Variants in PAK5 observed in about 807,000 individuals in gnomAD.
The protein encoded by PAK5 is serine/threonine-protein kinase PAK 5.
In PAK5, 16 loss-of-function variants were observed where a neutral mutation model predicts 65.9. That is an observed-to-expected ratio of 0.24 (90% CI 0.16 to 0.37). PAK5 has a LOEUF of 0.37. Among genes scored for constraint, PAK5 ranks in the 10% least tolerant of loss-of-function variants. PAK5 has a pLI of 1.00. For missense variants in PAK5, 785 were observed against 903.9 expected, an observed-to-expected ratio of 0.87 and a Z score of 1.69; for synonymous variants, 371 against 354.9, an observed-to-expected ratio of 1.05 and a Z score of -0.51.
intron 1 of PAK5, among the ~76,000 whole-genome samples, chr20:9,759,343 T>A (rs1227504652): frequency 6.6e-6 from 1 of 152,180 alleles, no homozygotes; most frequent in Non-Finnish European, 1.5e-5. Context: ...TAGATAAGTG[T>A]TCCTCTGTTT....
chr20:9,771,329 C>G (rs529950257), intron 1 of PAK5, among the ~76,000 whole-genome samples: 17 of 152,258 alleles, frequency 1.1e-4, no homozygotes, highest in African/African-American at 4.1e-4. Flanking sequence ...TTGCCAACTT[C>G]ATGTCATTCA....
intron 3 of PAK5, among the ~76,000 whole-genome samples, chr20:9,623,633 T>C (rs936337136): frequency 6.6e-6 from 1 of 152,068 alleles, no homozygotes; most frequent in South Asian, 2.1e-4. Context: ...TAGACTAAGA[T>C]AGGTACAAAC....
At chr20:9,819,193 T>G (rs572602545) in intron 1 of PAK5, among the ~76,000 whole-genome samples, 1 of 152,332 alleles carries the variant, frequency 6.6e-6, no homozygotes, top group African/African-American at 2.4e-5. Context: ...ATCACCGATT[T>G]CCCTCCCATT....
intron 1 of PAK5, among the ~76,000 whole-genome samples, chr20:9,810,305 G>A (rs1281922630): frequency 6.6e-6 from 1 of 152,230 alleles, no homozygotes; most frequent in Non-Finnish European, 1.5e-5. Flanking sequence ...AGCCGTTGTG[G>A]CTCATGCCTG....
intron 3 of PAK5, among the ~76,000 whole-genome samples, chr20:9,588,122 C>A (rs913225939): frequency 4.6e-5 from 7 of 151,376 alleles, no homozygotes; most frequent in African/African-American, 1.2e-4. Flanking sequence ...GCACCATGCT[C>A]TTACTATAAG....
At chr20:9,656,997 C>G (rs1202123754) in intron 2 of PAK5, among the ~76,000 whole-genome samples, 2 of 152,064 alleles carry the variant, frequency 1.3e-5, no homozygotes, top group South Asian at 2.1e-4. Context: ...ATATCAAGAC[C>G]AGGACTTTGG....
chr20:9,663,417 T>C (rs1257227922), intron 2 of PAK5, among the ~76,000 whole-genome samples: 3 of 152,154 alleles, frequency 2.0e-5, no homozygotes, highest in Non-Finnish European at 4.4e-5. Flanking sequence ...TAAATAGCAT[T>C]GTCATTTCCC....
At chr20:9,776,029 T>C (rs553415426) in intron 1 of PAK5, among the ~76,000 whole-genome samples, 1 of 152,320 alleles carries the variant, frequency 6.6e-6, no homozygotes, top group South Asian at 2.1e-4. Flanking sequence ...CTTGAAAGTT[T>C]TGGGGAAAGT....
chr20:9,632,946 C>T (rs1043371895), intron 3 of PAK5, among the ~76,000 whole-genome samples: 2 of 152,164 alleles, frequency 1.3e-5, no homozygotes, highest in African/African-American at 4.8e-5. Context: ...GAAGTGGGAT[C>T]TTAAACAAAT....
At position 9,838,983 on chromosome 20, in the gene PAK5, G is replaced by C. The variant is rs770155513; in HGVS notation, c.-383C>G. ...CCCCAGCTACTGAGCATGCCCAGCT[G>C]CCCGGCTTCGCCCCTCGGAGGACTG... On this transcript the variant is annotated 5_prime_UTR_variant, in exon 1 of 10. Transcript: ENST00000353224. The surrounding 1 kb of genome is among the most constrained non-coding windows in gnomAD (Gnocchi z 4.5). 6.6e-6 allele frequency: 1 copy of C among 152,538 alleles called. No homozygotes were observed. Among genetic ancestry groups the C allele is most frequent in the Middle Eastern group, 3.1e-3 (1 of 320 alleles). The allele number at this position is 152,538 out of a possible 1,614,324, so 9.4% of individuals were successfully genotyped here. A position where few individuals can be genotyped will look rare whatever the true frequency, so the allele number is the denominator to read the frequency against.
At chr20:9,756,145 A>G (rs2048631359) in intron 1 of PAK5, among the ~76,000 whole-genome samples, 1 of 152,222 alleles carries the variant, frequency 6.6e-6, no homozygotes, top group South Asian at 2.1e-4. Flanking sequence ...TCATACTAAT[A>G]AAAACAGCAG....
chr20:9,683,231 G>C (rs761659841), intron 2 of PAK5, among the ~76,000 whole-genome samples: 1 of 152,188 alleles, frequency 6.6e-6, no homozygotes, highest in Non-Finnish European at 1.5e-5. Context: ...TTCTCCGAAG[G>C]AATGGAAAAA....
rs184726249 is a variant in PAK5, at chr20:9,654,574, T to C, written c.-11-10235A>G. Reference sequence around the variant, plus strand: ...CCCTCCCAAGCAGTTTTCCACCCTGTAGGCAGACAAATCTTTTGAAAAATA... The same window carrying C: ...CCCTCCCAAGCAGTTTTCCACCCTGCAGGCAGACAAATCTTTTGAAAAATA... On this transcript the variant is annotated intron_variant, in intron 2 of 9. Transcript: ENST00000353224. Among the ~76,000 whole-genome samples, 139 of 152,278 alleles carry C rather than the reference T, an allele frequency of 9.1e-4. 1 individual carries two copies. The highest frequency in any genetic ancestry group is 6.8e-3 in the Middle Eastern group (2 of 294).
At chr20:9,797,170 TG>T (rs1455571134) in intron 1 of PAK5, among the ~76,000 whole-genome samples, 1 of 151,848 alleles carries the variant, frequency 6.6e-6, no homozygotes, top group Non-Finnish European at 1.5e-5. Flanking sequence ...ATGTGTCTGT[TG>T]GCTGCATAAA....
chr20:9,768,240 C>T (rs6056850), intron 1 of PAK5, among the ~76,000 whole-genome samples: 58,977 of 151,482 alleles, frequency 0.39, 12,400 homozygotes, highest in African/African-American at 0.56. Context: ...CAGGGGTACA[C>T]GTGCAGGGTT....
In PAK5 at chr20:9,600,851, C is replaced by T. The variant is rs111779899; in HGVS notation, c.205-19921G>A. Among the ~76,000 whole-genome samples the T allele has an allele frequency of 2.9e-3, 437 of 150,550 alleles. 1 individual carries two copies. The highest frequency in any genetic ancestry group is 8.9e-3 in the African/African-American group (366 of 41,006). ...TTATCTGGCAGGGGAGAAAGGAGAACGGTTAGGGCCCATGCATGGCTCAAA... is the reference window on the plus strand; with the variant it reads ...TTATCTGGCAGGGGAGAAAGGAGAATGGTTAGGGCCCATGCATGGCTCAAA... On this transcript the variant is annotated intron_variant, in intron 3 of 9. Transcript: ENST00000353224.
intron 2 of PAK5, among the ~76,000 whole-genome samples, chr20:9,707,973 T>G (rs958236119): frequency 2.6e-5 from 4 of 152,216 alleles, no homozygotes; most frequent in African/African-American, 7.2e-5. Context: ...TGGGGCTATT[T>G]GTTATACAGC....
intron 3 of PAK5, among the ~76,000 whole-genome samples, chr20:9,617,524 G>A (rs1363272196): frequency 1.3e-5 from 2 of 151,526 alleles, no homozygotes; most frequent in Non-Finnish European, 2.9e-5. Context: ...TCAATTTGCA[G>A]GGATGAGACC....
chr20:9,822,290 CA>C (rs34256527), intron 1 of PAK5, among the ~76,000 whole-genome samples: 55,653 of 116,414 alleles, frequency 0.48, 11,520 homozygotes, highest in Middle Eastern at 0.64. Context: ...AGATCTGTCT[CA>C]AAAAAAAAAA....
Sources: allele counts gnomAD v4.1 joint callset (sites outside exome capture counted in the v4.1 genomes callset), GRCh38; gene constraint gnomAD v4.1.1; non-coding constraint Gnocchi (gnomAD v3.1); transcripts MANE v1.5; gene names NCBI Gene and HGNC (gene_info 2026-07-23, HGNC 2026-07-21).